The following BMPR1B variants were observed in gnomAD, a reference collection of about 807,000 sequenced individuals.
BMPR1B encodes the protein bone morphogenetic protein receptor type 1B, also known as bone morphogenetic protein receptor type-1B.
A neutral mutation model predicts 59.1 loss-of-function variants in BMPR1B; 12 were observed. The ratio of observed to expected loss-of-function variants is 0.20; its 90% CI spans 0.13 to 0.33. The LOEUF is 0.33. Among genes scored for constraint, BMPR1B ranks in the 10% least tolerant of loss-of-function variants. BMPR1B has a pLI of 1.00. For missense variants in BMPR1B, 550 were observed against 610.9 expected (o/e 0.90, Z 1.05); for synonymous variants, 237 against 207.3 (o/e 1.14, Z -1.23).
At chr4:95,065,009 A>G (rs538812027) in intron 3 of BMPR1B, among the ~76,000 whole-genome samples, 2 of 152,274 alleles carry the variant, frequency 1.3e-5, no homozygotes, top group South Asian at 4.1e-4. Context: ...TGATCCAGCA[A>G]TTTGACTCCT....
intron 2 of BMPR1B, among the ~76,000 whole-genome samples, chr4:94,934,073 C>T (rs1410102491): frequency 1.2e-4 from 18 of 152,114 alleles, no homozygotes; most frequent in Admixed American, 1.2e-3. Context: ...TTTCTCTGTG[C>T]ATATGTGCAT....
chr4:94,788,676 C>A (rs192566569), intron 1 of BMPR1B, among the ~76,000 whole-genome samples: 80 of 152,306 alleles, frequency 5.3e-4, no homozygotes, highest in African/African-American at 1.6e-3. Flanking sequence ...CAATTCTTCA[C>A]AACCATGAAG....
At chr4:94,845,171 A>G (rs942748338) in intron 1 of BMPR1B, among the ~76,000 whole-genome samples, 2 of 152,162 alleles carry the variant, frequency 1.3e-5, no homozygotes, top group African/African-American at 2.4e-5. Flanking sequence ...TTTTAATTAT[A>G]TAATTTAAAG....
intron 3 of BMPR1B, among the ~76,000 whole-genome samples, chr4:95,084,738 A>G (rs1247878284): frequency 6.6e-6 from 1 of 152,198 alleles, no homozygotes. Flanking sequence ...TTCCTAATCT[A>G]GGCAGGTATG....
intron 1 of BMPR1B, among the ~76,000 whole-genome samples, chr4:94,794,495 G>T (rs1175743890): frequency 7.2e-6 from 1 of 138,224 alleles, no homozygotes; most frequent in Non-Finnish European, 1.6e-5. Flanking sequence ...TTGACTTGGC[G>T]ATGCGGGCTC....
chr4:94,893,146 TC>T (rs1229489008), intron 2 of BMPR1B, among the ~76,000 whole-genome samples: 1 of 152,056 alleles, frequency 6.6e-6, no homozygotes, highest in Non-Finnish European at 1.5e-5. Context: ...AAAATAAAAA[TC>T]TTCCTTTATA....
At chr4:94,949,350 C>T (rs1161858352) in intron 2 of BMPR1B, among the ~76,000 whole-genome samples, 1 of 56,788 alleles carries the variant, frequency 1.8e-5, no homozygotes, top group Non-Finnish European at 3.8e-5. Context: ...CGCTCTGTCG[C>T]CCAGGCCGGA....
intron 3 of BMPR1B, among the ~76,000 whole-genome samples, chr4:95,060,142 AG>A (rs1200382734): frequency 6.6e-6 from 1 of 152,156 alleles, no homozygotes; most frequent in Non-Finnish European, 1.5e-5. Context: ...TTTAACATAC[AG>A]GTCCCAATAC....
intron 2 of BMPR1B, among the ~76,000 whole-genome samples, chr4:94,960,471 T>C (rs888881572): frequency 6.6e-6 from 1 of 152,098 alleles, no homozygotes; most frequent in African/African-American, 2.4e-5. Flanking sequence ...ATAGTAATGT[T>C]AGAGCGTAAC....
In BMPR1B at chr4:94,992,938, A is replaced by G. The variant is rs1721841765; in HGVS notation, c.-112-3102A>G. The stretch of plus-strand genomic sequence containing the variant: ...TGTTCTGCCATCCAGGCTGGAGTCC[A>G]GGGGCACAGTCAATAGCTCACTGTA... On this transcript the variant is annotated intron_variant, in intron 2 of 12. Transcript: ENST00000515059. Among the ~76,000 whole-genome samples, 4 of 152,268 alleles carry G rather than the reference A, an allele frequency of 2.6e-5. No individual in the cohort carries two copies. In the South Asian group the frequency reaches 6.2e-4, roughly 24 times the overall value.
intron 3 of BMPR1B, among the ~76,000 whole-genome samples, chr4:95,048,407 A>G (rs1014409766): frequency 6.6e-5 from 10 of 152,282 alleles, no homozygotes; most frequent in African/African-American, 2.4e-4. Flanking sequence ...GAACTAATTT[A>G]TATTCCCACA....
chr4:94,849,852 A>G (rs978136021), intron 1 of BMPR1B, among the ~76,000 whole-genome samples: 4 of 151,310 alleles, frequency 2.6e-5, no homozygotes, highest in African/African-American at 9.7e-5. Flanking sequence ...GAAGTAAGGA[A>G]GGGCTAGGAG....
rs553310801 is a variant in BMPR1B at position 94,929,115 on chromosome 4, C to T, written c.-113+53215C>T. On this transcript the variant is annotated intron_variant, in intron 2 of 12. Transcript: ENST00000515059. ...GCATGAAACTTGGCTACTACGATGG[C>T]TTAAGAGATTCCTAAATGCTTTAAT... 8.5e-5 allele frequency among the ~76,000 whole-genome samples: 13 copies of T among 152,192 alleles called. No homozygotes were observed. In the East Asian group the frequency reaches 2.5e-3, roughly 30 times the overall value.
chr4:94,822,287 C>T (rs1439293495), intron 1 of BMPR1B, among the ~76,000 whole-genome samples: 2 of 152,162 alleles, frequency 1.3e-5, no homozygotes, highest in Non-Finnish European at 2.9e-5. Flanking sequence ...AACCAAATTT[C>T]AACATGAATT....
At chr4:94,791,941 C>A (rs566815900) in intron 1 of BMPR1B, among the ~76,000 whole-genome samples, 3 of 151,740 alleles carry the variant, frequency 2.0e-5, no homozygotes, top group East Asian at 3.9e-4. Flanking sequence ...TTAAAAACTT[C>A]TTTCTTCCTT....
intron 2 of BMPR1B, among the ~76,000 whole-genome samples, chr4:94,956,764 G>A (rs1730155058): frequency 6.6e-6 from 1 of 152,010 alleles, no homozygotes; most frequent in Non-Finnish European, 1.5e-5. Context: ...TTTGATGGAA[G>A]TAGAGTTTGA....
intron 10 of BMPR1B, among the ~76,000 whole-genome samples, chr4:95,132,600 A>G (rs1003888174): frequency 1.1e-4 from 17 of 151,774 alleles, no homozygotes; most frequent in Non-Finnish European, 2.4e-4. Flanking sequence ...AGATTATTAA[A>G]TCCTTTCTCC....
At chr4:94,798,956 G>A (rs964532656) in intron 1 of BMPR1B, among the ~76,000 whole-genome samples, 2 of 151,770 alleles carry the variant, frequency 1.3e-5, no homozygotes, top group African/African-American at 4.8e-5. Flanking sequence ...AGTCTCCTCA[G>A]CAAGATACTT....
intron 1 of BMPR1B, among the ~76,000 whole-genome samples, chr4:94,868,161 C>T (rs552591543): frequency 6.6e-6 from 1 of 150,938 alleles, no homozygotes; most frequent in Non-Finnish European, 1.5e-5. Flanking sequence ...CCATACCCAG[C>T]CTTACTTCTT....
Sources: gnomAD v4.1 joint callset for allele counts (sites outside exome capture counted in the v4.1 genomes callset) on GRCh38, gnomAD v4.1.1 for gene constraint, MANE v1.5 for transcripts, NCBI Gene and HGNC (gene_info 2026-07-23, HGNC 2026-07-21) for gene names.